The following NRG3 variants were observed in gnomAD, a reference collection of about 807,000 sequenced individuals.
NRG3 encodes neuregulin 3.
In NRG3, 31 loss-of-function variants were observed where a neutral mutation model predicts 66.9. The ratio of observed to expected loss-of-function variants is 0.46; its 90% CI spans 0.35 to 0.63. NRG3 has a LOEUF of 0.63. Ranked by LOEUF, NRG3 falls within the 20% of genes least tolerant of loss-of-function variation. The pLI is 0.00. For synonymous variants in NRG3, 393 were observed against 359.4 expected (o/e 1.09, Z -1.06); for missense variants, 910 against 878.9 (o/e 1.04, Z -0.45).
intron 1 of NRG3, among the ~76,000 whole-genome samples, chr10:82,008,770 A>G (rs1189588054): frequency 6.6e-6 from 1 of 152,194 alleles, no homozygotes; most frequent in East Asian, 1.9e-4. Context: ...AATTTAGAAA[A>G]TGATTTTATT....
intron 1 of NRG3, among the ~76,000 whole-genome samples, chr10:82,296,374 G>A (rs115593947): frequency 0.015 from 2,218 of 152,226 alleles, 40 homozygotes; most frequent in South Asian, 0.051. Context: ...GCGGAGACTG[G>A]CTGCCTTGGT....
chr10:82,516,154 G>GTT, intron 2 of NRG3, among the ~76,000 whole-genome samples: 1 of 152,102 alleles, frequency 6.6e-6, no homozygotes, highest in East Asian at 1.9e-4. Context: ...GTGTGTGTGT[G>GTT]TGTGTATGTG....
At chr10:82,325,789 C>T (rs916385637) in intron 1 of NRG3, among the ~76,000 whole-genome samples, 2 of 152,174 alleles carry the variant, frequency 1.3e-5, no homozygotes, top group Non-Finnish European at 2.9e-5. Flanking sequence ...GCATAGTACA[C>T]TTCACTTCTC....
At chr10:82,162,803 G>C (rs1412957274) in intron 1 of NRG3, among the ~76,000 whole-genome samples, 1 of 152,092 alleles carries the variant, frequency 6.6e-6, no homozygotes, top group Admixed American at 6.6e-5. Context: ...TTATACATAA[G>C]CCAAAGTCCT....
At chr10:81,943,124 A>T (rs1486483550) in intron 1 of NRG3, among the ~76,000 whole-genome samples, 1 of 152,150 alleles carries the variant, frequency 6.6e-6, no homozygotes, top group African/African-American at 2.4e-5. Context: ...ATGGTGGCTC[A>T]TGCCTGTAAT....
chr10:82,155,879 G>A (rs1456836363), intron 1 of NRG3, among the ~76,000 whole-genome samples: 2 of 151,680 alleles, frequency 1.3e-5, no homozygotes, highest in African/African-American at 4.8e-5. Flanking sequence ...GAAAACAAAG[G>A]TAGCAGAATC....
intron 1 of NRG3, among the ~76,000 whole-genome samples, chr10:82,250,356 AG>A (rs1434570417): frequency 6.6e-6 from 1 of 152,146 alleles, no homozygotes; most frequent in African/African-American, 2.4e-5. Context: ...AGGCTGAGGC[AG>A]GTGGATCGCC....
At chr10:82,543,036 G>C (rs1319259011) in intron 2 of NRG3, among the ~76,000 whole-genome samples, 1 of 151,888 alleles carries the variant, frequency 6.6e-6, no homozygotes, top group East Asian at 1.9e-4. Flanking sequence ...GGATTACAGG[G>C]ACATGCCACC....
chr10:82,094,802 A>G (rs2066233161), intron 1 of NRG3, among the ~76,000 whole-genome samples: 1 of 152,216 alleles, frequency 6.6e-6, no homozygotes, highest in African/African-American at 2.4e-5. Flanking sequence ...AAAGTCAAAT[A>G]CTGCATGTTC....
chr10:82,358,632 C>G (rs2083926985), intron 1 of NRG3, 107 bp from the exon 2 acceptor site: 2 of 1,493,300 alleles, frequency 1.3e-6, no homozygotes, highest in Admixed American at 3.4e-5. Flanking sequence ...TCCCAGAGGT[C>G]AGAGCCCATG....
At chr10:82,813,160 T>TA (rs898733291) in intron 3 of NRG3, among the ~76,000 whole-genome samples, 8 of 147,618 alleles carry the variant, frequency 5.4e-5, no homozygotes, top group South Asian at 2.1e-4. Flanking sequence ...CAAGTTAAAG[T>TA]AAAAAAAACA....
chr10:82,822,472 A>T (rs963878472), intron 3 of NRG3, among the ~76,000 whole-genome samples: 1 of 152,124 alleles, frequency 6.6e-6, no homozygotes, highest in Non-Finnish European at 1.5e-5. Context: ...TACTCTGGCT[A>T]TTGCCAAGCT....
At chr10:82,943,084 G>T (rs1026663688) in intron 4 of NRG3, among the ~76,000 whole-genome samples, 1 of 152,120 alleles carries the variant, frequency 6.6e-6, no homozygotes, top group Admixed American at 6.5e-5. Context: ...TTTGCATATG[G>T]GAGTAGAATA....
At chr10:82,558,032 G>A (rs1471769910) in intron 2 of NRG3, among the ~76,000 whole-genome samples, 1 of 152,158 alleles carries the variant, frequency 6.6e-6, no homozygotes, top group Non-Finnish European at 1.5e-5. Flanking sequence ...TCTCCACCTG[G>A]GAATGATTTC....
At chr10:82,029,011 C>A (rs2062444175) in intron 1 of NRG3, among the ~76,000 whole-genome samples, 1 of 151,914 alleles carries the variant, frequency 6.6e-6, no homozygotes, top group Admixed American at 6.6e-5. Context: ...GAGTTTGAGA[C>A]CAGACTGGCC....
At chr10:82,236,166 A>T (rs1179126497) in intron 1 of NRG3, among the ~76,000 whole-genome samples, 6 of 152,198 alleles carry the variant, frequency 3.9e-5, no homozygotes, top group Admixed American at 3.9e-4. Context: ...TTTGAACAAG[A>T]TACAAAAGAT....
intron 2 of NRG3, among the ~76,000 whole-genome samples, chr10:82,656,599 C>T (rs993952532): frequency 6.6e-6 from 1 of 152,154 alleles, no homozygotes; most frequent in African/African-American, 2.4e-5. Flanking sequence ...ATTTCCCATT[C>T]TCTTTTGCTG....
chr10:82,388,237 G>A (rs991146540), intron 2 of NRG3, among the ~76,000 whole-genome samples: 3 of 152,082 alleles, frequency 2.0e-5, no homozygotes, highest in Admixed American at 1.3e-4. Context: ...CTGTAAAAAG[G>A]GAATAAGAAA....
chr10:82,606,530 G>C (rs1292688343), intron 2 of NRG3, among the ~76,000 whole-genome samples: 1 of 152,166 alleles, frequency 6.6e-6, no homozygotes. Context: ...ATTAGATCTA[G>C]TTGATTGATG....
Sources: gnomAD v4.1 joint callset for allele counts (sites outside exome capture counted in the v4.1 genomes callset) on GRCh38, gnomAD v4.1.1 for gene constraint, MANE v1.5 for transcripts, NCBI Gene and HGNC (gene_info 2026-07-23, HGNC 2026-07-21) for gene names.